Variants in ZMIZ1 observed in about 807,000 individuals in gnomAD.
The protein encoded by ZMIZ1 is zinc finger MIZ-type containing 1.
Under a neutral mutation model 113.9 loss-of-function variants are expected in ZMIZ1, and 17 were observed. The ratio of observed to expected loss-of-function variants is 0.15; its 90% CI spans 0.10 to 0.22. The LOEUF (loss-of-function observed/expected upper bound fraction) is 0.22. ZMIZ1 is among the 10% of genes least tolerant of loss of function. ZMIZ1 has a pLI of 1.00. For synonymous variants in ZMIZ1, 607 were observed against 603.1 expected (o/e 1.01, Z -0.09); for missense variants, 1,059 against 1,477.8 (o/e 0.72, Z 4.65).
At chr10:79,149,474 G>A (rs1435944594) in intron 3 of ZMIZ1, among the ~76,000 whole-genome samples, 1 of 152,218 alleles carries the variant, frequency 6.6e-6, no homozygotes, top group East Asian at 1.9e-4. Flanking sequence ...TGAGCCTCCA[G>A]TTCCTGAGGC....
intron 7 of ZMIZ1, among the ~76,000 whole-genome samples, chr10:79,216,819 A>G (rs908847357): frequency 6.6e-6 from 1 of 152,256 alleles, no homozygotes; most frequent in African/African-American, 2.4e-5. Context: ...ATGAATCAGT[A>G]CACTCAGGGT....
intron 7 of ZMIZ1, among the ~76,000 whole-genome samples, chr10:79,261,235 G>A (rs1342274312): frequency 6.6e-6 from 1 of 152,184 alleles, no homozygotes; most frequent in Non-Finnish European, 1.5e-5. Flanking sequence ...GTTCGTGCTT[G>A]CCCAACTGGT....
chr10:79,197,503 A>G (rs55850652), intron 4 of ZMIZ1, among the ~76,000 whole-genome samples: 2,632 of 152,096 alleles, frequency 0.017, 90 homozygotes, highest in African/African-American at 0.061. Flanking sequence ...CTGTGTGGGT[A>G]AACTCAGGAG....
At chr10:79,265,123 C>A (rs1484816650) in intron 7 of ZMIZ1, among the ~76,000 whole-genome samples, 1 of 152,206 alleles carries the variant, frequency 6.6e-6, no homozygotes, top group Non-Finnish European at 1.5e-5. Context: ...CGCCTCGAGG[C>A]TCCCAGTTCC....
intron 2 of ZMIZ1, among the ~76,000 whole-genome samples, chr10:79,135,038 G>A (rs547372801): frequency 2.6e-5 from 4 of 152,146 alleles, no homozygotes; most frequent in Non-Finnish European, 5.9e-5. Flanking sequence ...GGCTGGTCTC[G>A]AACTCCTGAC....
intron 1 of ZMIZ1, among the ~76,000 whole-genome samples, chr10:79,107,621 C>A (rs1843607790): frequency 6.6e-6 from 1 of 152,142 alleles, no homozygotes; most frequent in Non-Finnish European, 1.5e-5. Context: ...GAGGAGGGAC[C>A]GTCTCCATTG....
At chr10:79,080,171 T>C (rs1842609827) in intron 1 of ZMIZ1, among the ~76,000 whole-genome samples, 1 of 152,130 alleles carries the variant, frequency 6.6e-6, no homozygotes, top group South Asian at 2.1e-4. Flanking sequence ...GTGGGCTTTG[T>C]GATGGTTGGG....
chr10:79,071,913 T>C (rs1056586149), intron 1 of ZMIZ1, among the ~76,000 whole-genome samples: 1 of 148,692 alleles, frequency 6.7e-6, no homozygotes, highest in South Asian at 2.2e-4. Flanking sequence ...AAACGCTGTT[T>C]TCACATGTAA....
chr10:79,126,577 C>T (rs553164740), intron 2 of ZMIZ1, among the ~76,000 whole-genome samples: 165 of 152,304 alleles, frequency 1.1e-3, no homozygotes, highest in African/African-American at 3.8e-3. Context: ...ATAATGGGGG[C>T]TTTGTGGAGG....
At chr10:79,196,618 T>C (rs1459340932) in intron 4 of ZMIZ1, among the ~76,000 whole-genome samples, 1 of 152,160 alleles carries the variant, frequency 6.6e-6, no homozygotes, top group Non-Finnish European at 1.5e-5. Flanking sequence ...ATCTCCCAGT[T>C]TGCTGTTAAC....
chr10:79,169,469 C>T (rs1846513112), intron 4 of ZMIZ1, among the ~76,000 whole-genome samples: 1 of 152,330 alleles, frequency 6.6e-6, no homozygotes, highest in African/African-American at 2.4e-5. Flanking sequence ...CAACAGACTT[C>T]CTTGCATCCT....
rs1589255349 is a variant in ZMIZ1, at chr10:79,086,812, G to C, written c.-337+17542G>C. Reference sequence around the variant, plus strand: ...TTTTGGAAGCTCTGTGTCCAGGACTGATTCTCTATACCTTTGGCCAATCTC... The same window carrying C: ...TTTTGGAAGCTCTGTGTCCAGGACTCATTCTCTATACCTTTGGCCAATCTC... On this transcript the variant is annotated intron_variant, in intron 1 of 24. Transcript: ENST00000334512. Among the ~76,000 whole-genome samples the C allele has an allele frequency of 5.9e-5, 9 of 152,124 alleles. No individual in the cohort carries two copies. The South Asian group carries it at 1.9e-3, about 32-fold the overall frequency.
chr10:79,278,592 G>A (rs986703227), intron 8 of ZMIZ1, among the ~76,000 whole-genome samples: 7 of 151,250 alleles, frequency 4.6e-5, no homozygotes, highest in African/African-American at 1.7e-4. Context: ...GCCGCCCTCC[G>A]CAGTGTTTGT....
intron 2 of ZMIZ1, among the ~76,000 whole-genome samples, chr10:79,126,217 G>A (rs996215209): frequency 6.6e-6 from 1 of 152,194 alleles, no homozygotes; most frequent in Non-Finnish European, 1.5e-5. Context: ...TAGGGGCAAC[G>A]CCTCAGAGTC....
intron 7 of ZMIZ1, among the ~76,000 whole-genome samples, chr10:79,228,237 T>C (rs887652363): frequency 6.6e-6 from 1 of 152,254 alleles, no homozygotes; most frequent in Non-Finnish European, 1.5e-5. Context: ...ACCCATTCTA[T>C]AGATTAGGAA....
intron 1 of ZMIZ1, among the ~76,000 whole-genome samples, chr10:79,113,255 G>A (rs991972270): frequency 2.0e-5 from 3 of 152,232 alleles, no homozygotes; most frequent in Non-Finnish European, 4.4e-5. Context: ...GAGGGAGCCT[G>A]TCTTCTGAGC....
At chr10:79,111,940 A>G (rs1278660985) in intron 1 of ZMIZ1, among the ~76,000 whole-genome samples, 1 of 152,242 alleles carries the variant, frequency 6.6e-6, no homozygotes, top group Non-Finnish European at 1.5e-5. Context: ...GACAGTTACA[A>G]ATTGGGAGCT....
chr10:79,083,603 G>A (rs902994206), intron 1 of ZMIZ1, among the ~76,000 whole-genome samples: 2 of 152,206 alleles, frequency 1.3e-5, no homozygotes, highest in Admixed American at 6.5e-5. Flanking sequence ...CTGATGAGCC[G>A]AGAATAGACT....
chr10:79,150,466 C>A (rs1845669044), intron 3 of ZMIZ1, among the ~76,000 whole-genome samples: 1 of 152,242 alleles, frequency 6.6e-6, no homozygotes, highest in African/African-American at 2.4e-5. Flanking sequence ...TCCTCTCAGA[C>A]AAAGCCTGTG....
Sources: gnomAD v4.1 joint callset for allele counts (sites outside exome capture counted in the v4.1 genomes callset) on GRCh38, gnomAD v4.1.1 for gene constraint, MANE v1.5 for transcripts, NCBI Gene and HGNC (gene_info 2026-07-23, HGNC 2026-07-21) for gene names.